Variants in IFT88 observed in about 807,000 individuals in gnomAD.
IFT88 encodes the protein intraflagellar transport protein 88 homolog.
Under a neutral mutation model 119.5 loss-of-function variants are expected in IFT88, and 74 were observed. The observed-to-expected ratio is 0.62, with a 90% CI of 0.51 to 0.75. IFT88 has a LOEUF of 0.75. Among genes scored for constraint, IFT88 ranks in the 30% least tolerant of loss-of-function variants. The pLI, the probability that IFT88 is intolerant of heterozygous loss-of-function variation, is 0.00. For synonymous variants in IFT88, 279 were observed against 316.7 expected (o/e 0.88, Z 1.26); for missense variants, 961 against 977.7 (o/e 0.98, Z 0.23).
chr13:20,615,410 A>C (rs781114433), intron 13 of IFT88, among the ~76,000 whole-genome samples: 34 of 152,190 alleles, frequency 2.2e-4, no homozygotes, highest in Non-Finnish European at 4.4e-4. Flanking sequence ...ATAGTAATTC[A>C]GTTTTACTCT....
intron 6 of IFT88, 67 bp downstream of exon 6, chr13:20,591,748 A>G: frequency 3.0e-6 from 3 of 989,026 alleles, no homozygotes; most frequent in Non-Finnish European, 4.7e-6. Context: ...TTTGTGATAT[A>G]AATATTACTG....
chr13:20,568,816 G>T (rs1056213864), intron 1 of IFT88, among the ~76,000 whole-genome samples: 39 of 152,162 alleles, frequency 2.6e-4, no homozygotes, highest in Non-Finnish European at 5.3e-4. Flanking sequence ...CGCCTCCCGG[G>T]TTCATGCCAT....
intron 4 of IFT88, among the ~76,000 whole-genome samples, chr13:20,590,664 A>G (rs1011006685): frequency 9.2e-5 from 14 of 152,280 alleles, no homozygotes; most frequent in African/African-American, 3.1e-4. Flanking sequence ...TTTGCAGATC[A>G]TATGTTCTCT....
chr13:20,610,058 G>A (rs1594164247), intron 13 of IFT88, among the ~76,000 whole-genome samples: 1 of 151,412 alleles, frequency 6.6e-6, no homozygotes, highest in Admixed American at 6.6e-5. Context: ...TGAGCAAGAT[G>A]CTTCCCTGTT....
chr13:20,686,661 AC>A (rs1215733076), intron 24 of IFT88, among the ~76,000 whole-genome samples: 2 of 152,172 alleles, frequency 1.3e-5, no homozygotes, highest in Non-Finnish European at 2.9e-5. Context: ...CTCTGCCGCA[AC>A]CTGTTTAGAA....
intron 13 of IFT88, among the ~76,000 whole-genome samples, chr13:20,608,480 G>T (rs2043900548): frequency 6.6e-6 from 1 of 152,166 alleles, no homozygotes; most frequent in East Asian, 1.9e-4. Flanking sequence ...TCCCCAAACG[G>T]TGTATCTCAA....
intron 22 of IFT88, among the ~76,000 whole-genome samples, chr13:20,662,880 A>AAT (rs2054047455): frequency 6.6e-6 from 1 of 152,220 alleles, no homozygotes; most frequent in South Asian, 2.1e-4. Flanking sequence ...AGAACTAAAC[A>AAT]ATATGTCATC....
intron 3 of IFT88, among the ~76,000 whole-genome samples, chr13:20,584,275 G>T (rs2039243462): frequency 6.6e-6 from 1 of 151,854 alleles, no homozygotes; most frequent in Non-Finnish European, 1.5e-5. Flanking sequence ...ATGAACACAG[G>T]ATGCCTTTCC....
chr13:20,673,297 A>G (rs1436004535), intron 24 of IFT88, among the ~76,000 whole-genome samples: 1 of 152,184 alleles, frequency 6.6e-6, no homozygotes, highest in Non-Finnish European at 1.5e-5. Context: ...CCCAGATGCC[A>G]TCACTTTGAA....
intron 1 of IFT88, among the ~76,000 whole-genome samples, chr13:20,572,666 A>G (rs752360033): frequency 6.6e-6 from 1 of 152,222 alleles, no homozygotes; most frequent in Non-Finnish European, 1.5e-5. Flanking sequence ...ATCGCAGTGT[A>G]TATTTGCTGA....
At chr13:20,625,986 G>T in intron 15 of IFT88, 137 bp downstream of exon 15, 116 of 198,728 alleles carry the variant, frequency 5.8e-4, no homozygotes, top group South Asian at 2.8e-3. Flanking sequence ...TCTATTTTAT[G>T]TTAATTTTCA....
chr13:20,624,843 C>T (rs189797220), intron 14 of IFT88, among the ~76,000 whole-genome samples: 1 of 152,250 alleles, frequency 6.6e-6, no homozygotes, highest in Non-Finnish European at 1.5e-5. Flanking sequence ...TACATGTACA[C>T]ATTGTGGAAT....
At chr13:20,573,243 T>C (rs1404090195) in intron 1 of IFT88, among the ~76,000 whole-genome samples, 1 of 152,102 alleles carries the variant, frequency 6.6e-6, no homozygotes, top group South Asian at 2.1e-4. Context: ...ACCCATACAA[T>C]GTAGCCAATC....
At chr13:20,577,461 G>GT (rs1234932953) in intron 2 of IFT88, among the ~76,000 whole-genome samples, 6 of 151,804 alleles carry the variant, frequency 4.0e-5, no homozygotes, top group African/African-American at 7.3e-5. Context: ...AAGGCTTTCA[G>GT]TTTTTTTTCA....
chr13:20,613,093 C>T (rs976763506), intron 13 of IFT88, among the ~76,000 whole-genome samples: 3 of 152,180 alleles, frequency 2.0e-5, no homozygotes, highest in South Asian at 4.1e-4. Context: ...ATAAATTGGA[C>T]GTTATCAAAA....
intron 1 of IFT88, among the ~76,000 whole-genome samples, chr13:20,569,976 C>T (rs76783699): frequency 0.055 from 8,250 of 150,690 alleles, 316 homozygotes; most frequent in African/African-American, 0.098. Flanking sequence ...AACTGGGAGG[C>T]GGAGCTTGCA....
intron 13 of IFT88, chr13:20,607,906 A>G: frequency 1.5e-6 from 1 of 685,682 alleles, no homozygotes; most frequent in Admixed American, 1.8e-5. Context: ...AATGACTGCC[A>G]TCCTCGGGGT....
At chr13:20,676,311 G>A (rs887300820) in intron 24 of IFT88, among the ~76,000 whole-genome samples, 2 of 152,178 alleles carry the variant, frequency 1.3e-5, no homozygotes, top group Non-Finnish European at 2.9e-5. Flanking sequence ...TCAGTAAAAT[G>A]AGACTGAAAA....
intron 15 of IFT88, among the ~76,000 whole-genome samples, chr13:20,630,043 AT>A (rs1345402147): frequency 3.3e-5 from 5 of 152,194 alleles, no homozygotes; most frequent in Admixed American, 2.6e-4. Flanking sequence ...ATTTCTCATG[AT>A]TTAAAAATGT....
Sources: gnomAD v4.1 joint callset for allele counts (sites outside exome capture counted in the v4.1 genomes callset) on GRCh38, gnomAD v4.1.1 for gene constraint, MANE v1.5 for transcripts, NCBI Gene and HGNC (gene_info 2026-07-23, HGNC 2026-07-21) for gene names.